LRRC69: variants seen among roughly 807,000 people sequenced by gnomAD.
LRRC69 encodes the protein leucine rich repeat containing 69.
In LRRC69, 42 loss-of-function variants were observed where a neutral mutation model predicts 37.8. The ratio of observed to expected loss-of-function variants is 1.11; its 90% CI spans 0.87 to 1.44. LRRC69 has a LOEUF of 1.44. LRRC69 is among the 40% of genes most tolerant of loss of function. LRRC69 has a pLI of 0.00. For missense variants in LRRC69, 357 were observed against 401.9 expected (o/e 0.89, Z 0.96); for synonymous variants, 141 against 143.1 (o/e 0.99, Z 0.11).
intron 5 of LRRC69, among the ~76,000 whole-genome samples, chr8:91,138,465 G>A (rs1363917570): frequency 6.6e-6 from 1 of 151,292 alleles, no homozygotes; most frequent in Non-Finnish European, 1.5e-5. Flanking sequence ...TTTTAAAATA[G>A]GTATTTATTT....
chr8:91,178,846 T>C (rs1456288875), intron 5 of LRRC69, among the ~76,000 whole-genome samples: 5 of 152,192 alleles, frequency 3.3e-5, no homozygotes, highest in African/African-American at 7.2e-5. Flanking sequence ...TGGGACAAGA[T>C]TGGCAGGGGG....
At chr8:91,124,397 G>A (rs1486688362) in intron 1 of LRRC69, 96 bp from the exon 2 acceptor site, 22 of 904,168 alleles carry the variant, frequency 2.4e-5, no homozygotes, top group Non-Finnish European at 3.3e-5. Context: ...AGTTTTCTTA[G>A]GTTACATAGA....
intron 1 of LRRC69, among the ~76,000 whole-genome samples, chr8:91,107,726 T>G (rs1348134787): frequency 6.6e-6 from 1 of 152,062 alleles, no homozygotes; most frequent in Non-Finnish European, 1.5e-5. Context: ...CTTTGCTAAT[T>G]TAACTAGTGA....
chr8:91,140,078 C>T (rs1395966187), intron 5 of LRRC69, among the ~76,000 whole-genome samples: 5 of 109,548 alleles, frequency 4.6e-5, no homozygotes, highest in East Asian at 2.4e-4. Flanking sequence ...GCAGCAAAAG[C>T]GAAACTCCGT....
Position 91,102,846 on chromosome 8 carries a change from T to G in LRRC69, c.183+2T>G, listed in dbSNP as rs1813245074. On this transcript the variant is annotated splice_donor_variant, in intron 1 of 7. Coordinates refer to ENST00000448384, the Ensembl canonical transcript of LRRC69. LOFTEE classifies it high-confidence loss of function. The stretch of plus-strand genomic sequence containing the variant: ...CCAGAGTTATGCAACTTGACCCAGG[T>G]GAGGAACAGTGTTTTGCTGTTGTGG... The G allele has an allele frequency of 6.5e-7, 1 of 1,540,372 alleles. No individual in the cohort carries two copies. Among genetic ancestry groups the G allele is most frequent in the African/African-American group, 1.4e-5 (1 of 72,520 alleles).
In LRRC69 at chr8:91,106,938, G is replaced by A. The variant is rs552461644; in HGVS notation, c.183+4094G>A. ...TTCCCAAGTAGTTGGGGCTACAGGC[G>A]TGTGCCACTACCCCTGGCTAATTAA... On this transcript the variant is annotated intron_variant, in intron 1 of 7. Coordinates refer to ENST00000448384, the Ensembl canonical transcript of LRRC69. Among the ~76,000 whole-genome samples, 7 of 151,544 alleles carry A rather than the reference G, an allele frequency of 4.6e-5. No individual in the cohort carries two copies. The South Asian group carries it at 1.0e-3, about 23-fold the overall frequency.
intron 5 of LRRC69, among the ~76,000 whole-genome samples, chr8:91,156,079 T>G (rs1808829833): frequency 6.6e-6 from 1 of 150,884 alleles, no homozygotes; most frequent in Non-Finnish European, 1.5e-5. Context: ...GTGGTAGTGC[T>G]AGATCATATG....
chr8:91,134,825 A>G (rs1053088018), intron 4 of LRRC69, among the ~76,000 whole-genome samples: 6 of 152,010 alleles, frequency 3.9e-5, no homozygotes, highest in African/African-American at 1.2e-4. Context: ...CAAATTTTCC[A>G]TATATCACTG....
At chr8:91,127,204 C>T (rs1164660649) in intron 3 of LRRC69, 44 bp downstream of exon 3, 1 of 1,365,404 alleles carries the variant, frequency 7.3e-7, no homozygotes, top group Non-Finnish European at 1.0e-6. Context: ...TCGTGCCCCT[C>T]CTCTATCCCC....
chr8:91,106,640 G>C (rs756834715), intron 1 of LRRC69, among the ~76,000 whole-genome samples: 1 of 151,938 alleles, frequency 6.6e-6, no homozygotes, highest in African/African-American at 2.4e-5. Context: ...TCTCCTTGGA[G>C]GTTGCTTTCG....
intron 7 of LRRC69, among the ~76,000 whole-genome samples, chr8:91,212,947 C>T (rs372881590): frequency 6.6e-6 from 1 of 152,284 alleles, no homozygotes; most frequent in East Asian, 1.9e-4. Flanking sequence ...GAGAACTCCT[C>T]GAATACTCTT....
intron 5 of LRRC69, among the ~76,000 whole-genome samples, chr8:91,188,315 C>T (rs146867366): frequency 9.9e-5 from 15 of 152,246 alleles, no homozygotes; most frequent in Admixed American, 5.2e-4. Flanking sequence ...ATGCTTGCTA[C>T]GTTTCAAATT....
chr8:91,135,862 C>A, intron 5 of LRRC69, 123 bp downstream of exon 5: 1 of 482,680 alleles, frequency 2.1e-6, no homozygotes, highest in Non-Finnish European at 3.5e-6. Context: ...ACAAATGACT[C>A]AAAGATTTGC....
At position 91,156,509 on chromosome 8, in the gene LRRC69, G is replaced by T. The variant is rs574042027; in HGVS notation, c.651+20770G>T. On this transcript the variant is annotated intron_variant, in intron 5 of 7. Coordinates refer to ENST00000448384, the Ensembl canonical transcript of LRRC69. ...GATGAATGGCTTGGAAATGTTTTCTGCCTTTCTACAAGTTATCTCTTCACT... is the reference window on the plus strand; with the variant it reads ...GATGAATGGCTTGGAAATGTTTTCTTCCTTTCTACAAGTTATCTCTTCACT... Among the ~76,000 whole-genome samples the T allele has an allele frequency of 1.3e-4, 20 of 150,866 alleles. No homozygotes were observed. The South Asian group carries it at 3.6e-3, about 27-fold the overall frequency.
At chr8:91,141,602 A>T (rs1012843574) in intron 5 of LRRC69, among the ~76,000 whole-genome samples, 4 of 152,104 alleles carry the variant, frequency 2.6e-5, no homozygotes, top group African/African-American at 9.6e-5. Flanking sequence ...AATCTGGGGA[A>T]GTAAATGAAG....
intron 7 of LRRC69, among the ~76,000 whole-genome samples, chr8:91,202,592 C>T (rs1409801168): frequency 6.6e-6 from 1 of 152,126 alleles, no homozygotes; most frequent in East Asian, 1.9e-4. Flanking sequence ...CCAGTAGGAA[C>T]AGTGTGTATT....
chr8:91,177,048 A>G (rs1809244348), intron 5 of LRRC69, among the ~76,000 whole-genome samples: 1 of 152,144 alleles, frequency 6.6e-6, no homozygotes, highest in Admixed American at 6.5e-5. Context: ...ATAGGTAATT[A>G]TAGTCTTTTT....
chr8:91,124,784 G>T, intron 2 of LRRC69, 165 bp downstream of exon 2: 1 of 562,790 alleles, frequency 1.8e-6, no homozygotes. Flanking sequence ...TTTTAAAAAA[G>T]TATTGTATCA....
chr8:91,112,863 G>T (rs557503873), intron 1 of LRRC69, among the ~76,000 whole-genome samples: 2 of 151,964 alleles, frequency 1.3e-5, no homozygotes, highest in African/African-American at 4.8e-5. Context: ...ACTAATAAAT[G>T]AATTCAGTCA....
Sources: gnomAD v4.1 joint callset for allele counts (sites outside exome capture counted in the v4.1 genomes callset) on GRCh38, gnomAD v4.1.1 for gene constraint, MANE v1.5 for transcripts, NCBI Gene and HGNC (gene_info 2026-07-23, HGNC 2026-07-21) for gene names.